Variants in DGKB observed in about 807,000 individuals in gnomAD.
DGKB encodes diacylglycerol kinase beta, also known as 90 kDa diacylglycerol kinase.
Under a neutral mutation model 114.3 loss-of-function variants are expected in DGKB, and 67 were observed. The observed-to-expected ratio is 0.59, with a 90% CI of 0.48 to 0.72. The LOEUF (loss-of-function observed/expected upper bound fraction) is 0.72. Ranked by LOEUF, DGKB falls within the 30% of genes least tolerant of loss-of-function variation. The pLI, the probability that DGKB is intolerant of heterozygous loss-of-function variation, is 0.00. For synonymous variants in DGKB, 398 were observed against 323.1 expected, an observed-to-expected ratio of 1.23 and a Z score of -2.49; for missense variants, 907 against 975.2, an observed-to-expected ratio of 0.93 and a Z score of 0.93.
At chr7:14,882,776 T>C (rs1854434062) in intron 1 of DGKB, among the ~76,000 whole-genome samples, 1 of 152,060 alleles carries the variant, frequency 6.6e-6, no homozygotes, top group African/African-American at 2.4e-5. Context: ...GATTTCATTC[T>C]TTTTTGTGGC....
At chr7:14,880,119 AAGTGGATCCAGCCAGAGGT>A (rs1422737994) in intron 1 of DGKB, among the ~76,000 whole-genome samples, 14 of 152,182 alleles carry the variant, frequency 9.2e-5, no homozygotes, top group African/African-American at 3.1e-4. Context: ...AATATGGAAA[AAGTGGATCCAGCCAGAGGT>A]AGTGAGTCAG....
intron 1 of DGKB, among the ~76,000 whole-genome samples, chr7:14,954,385 A>G (rs1786382299): frequency 6.6e-6 from 1 of 152,106 alleles, no homozygotes; most frequent in Admixed American, 6.6e-5. Context: ...TAAGACTTTA[A>G]AAAGAAAAAA....
intron 6 of DGKB, among the ~76,000 whole-genome samples, chr7:14,705,689 C>G (rs1291883969): frequency 6.7e-6 from 1 of 150,300 alleles, no homozygotes; most frequent in East Asian, 2.0e-4. Flanking sequence ...GAATTTTCAA[C>G]CCAGAATTTC....
intron 20 of DGKB, among the ~76,000 whole-genome samples, chr7:14,523,226 CA>C (rs1471409192): frequency 6.6e-6 from 1 of 152,148 alleles, no homozygotes; most frequent in African/African-American, 2.4e-5. Context: ...CTTTTCTCGG[CA>C]GTCATAATTT....
intron 2 of DGKB, among the ~76,000 whole-genome samples, chr7:14,811,948 C>G (rs1843500955): frequency 6.6e-6 from 1 of 152,092 alleles, no homozygotes; most frequent in Non-Finnish European, 1.5e-5. Context: ...AACTCCCTCT[C>G]TTCCACTCCT....
chr7:14,648,359 T>A (rs1813608626), intron 13 of DGKB, among the ~76,000 whole-genome samples: 1 of 152,088 alleles, frequency 6.6e-6, no homozygotes, highest in South Asian at 2.1e-4. Context: ...GCAGCCTAAC[T>A]GGGAGGCACC....
Position 14,232,373 on chromosome 7 carries a change from G to GAAA in DGKB, c.2123-54225_2123-54223dup, listed in dbSNP as rs5882434. 4.2e-5 allele frequency among the ~76,000 whole-genome samples: 6 copies of GAAA among 142,548 alleles called. No homozygotes were observed. The East Asian group carries it at 1.0e-3, about 25-fold the overall frequency. 93.5% of individuals were successfully genotyped at this position (142,548 alleles called of 152,430 possible). ...CCCACAAAATCTAGAGTAAGTTAGT[G>GAAA]AAAAAAAAAAAAAAGAATTTAATCT... On this transcript the variant is annotated intron_variant, in intron 23 of 25. Transcript: ENST00000402815.
chr7:14,732,480 C>T (rs1564045579), intron 5 of DGKB, among the ~76,000 whole-genome samples: 2 of 151,710 alleles, frequency 1.3e-5, no homozygotes, highest in Non-Finnish European at 2.9e-5. Flanking sequence ...GTCAAGGCTA[C>T]TTCAGCCTTG....
intron 2 of DGKB, among the ~76,000 whole-genome samples, chr7:14,778,808 G>C (rs955383137): frequency 6.6e-6 from 1 of 152,190 alleles, no homozygotes; most frequent in Non-Finnish European, 1.5e-5. Flanking sequence ...AAGTTACATA[G>C]TAGAAAGAGA....
intron 22 of DGKB, 89 bp downstream of exon 22, chr7:14,345,212 T>C (rs1489937266): frequency 3.6e-5 from 26 of 718,010 alleles, no homozygotes; most frequent in Non-Finnish European, 5.7e-5. Context: ...TAATATATAT[T>C]TCATTCCATG....
At chr7:14,518,973 T>C (rs542482820) in intron 20 of DGKB, among the ~76,000 whole-genome samples, 27 of 152,118 alleles carry the variant, frequency 1.8e-4, no homozygotes, top group African/African-American at 6.5e-4. Context: ...CCAGGGGCCA[T>C]ACTTTGAGAA....
chr7:14,225,528 C>A (rs762163238), intron 23 of DGKB, among the ~76,000 whole-genome samples: 12 of 151,996 alleles, frequency 7.9e-5, no homozygotes, highest in Non-Finnish European at 1.6e-4. Context: ...GAAACTTTTA[C>A]TTTTTAAAAA....
chr7:14,336,919 A>C (rs1810776621), intron 23 of DGKB, among the ~76,000 whole-genome samples: 1 of 151,778 alleles, frequency 6.6e-6, no homozygotes. Flanking sequence ...GTGTAGATGC[A>C]AAAGACATAT....
chr7:14,846,697 A>G (rs1346299528), intron 1 of DGKB, among the ~76,000 whole-genome samples: 1 of 152,172 alleles, frequency 6.6e-6, no homozygotes, highest in Non-Finnish European at 1.5e-5. Context: ...CAAGCAGTCT[A>G]ATTCTGGCTT....
rs746457332 is a variant in DGKB at position 14,738,796 on chromosome 7, G to A, written c.169-2602C>T. Among the ~76,000 whole-genome samples, 33 of 152,266 alleles carry A rather than the reference G, an allele frequency of 2.2e-4. No individual in the cohort carries two copies. In the Middle Eastern group the frequency reaches 0.024, roughly 110 times the overall value. ...AATGTGAACTTCCAGAAGTAGTAAA[G>A]GACTAGAAATTGGTGAAAGTTTTTC... On this transcript the variant is annotated intron_variant, in intron 4 of 25. Transcript: ENST00000402815.
intron 23 of DGKB, among the ~76,000 whole-genome samples, chr7:14,233,147 G>A (rs1249789403): frequency 6.6e-6 from 1 of 152,018 alleles, no homozygotes; most frequent in African/African-American, 2.4e-5. Flanking sequence ...GATCCCTCAA[G>A]ACAATGCAAG....
chr7:14,967,108 T>A (rs1391212134), intron 1 of DGKB, among the ~76,000 whole-genome samples: 1 of 152,126 alleles, frequency 6.6e-6, no homozygotes, highest in Non-Finnish European at 1.5e-5. Flanking sequence ...ACTGAATTGA[T>A]TTTAACTTTT....
intron 4 of DGKB, among the ~76,000 whole-genome samples, chr7:14,743,858 G>T (rs977227270): frequency 1.3e-5 from 2 of 152,034 alleles, no homozygotes; most frequent in African/African-American, 4.8e-5. Context: ...TCAAAAGATG[G>T]TTAATAATCA....
chr7:14,244,331 A>G (rs1794113958), intron 23 of DGKB, among the ~76,000 whole-genome samples: 1 of 152,014 alleles, frequency 6.6e-6, no homozygotes, highest in Admixed American at 6.6e-5. Context: ...TCCCAAATTC[A>G]TCTGTTAAAC....
Sources: allele counts gnomAD v4.1 joint callset (sites outside exome capture counted in the v4.1 genomes callset), GRCh38; gene constraint gnomAD v4.1.1; transcripts MANE v1.5; gene names NCBI Gene and HGNC (gene_info 2026-07-23, HGNC 2026-07-21).